CLIC3: variants seen among roughly 807,000 people sequenced by gnomAD.
The protein encoded by CLIC3 is chloride intracellular channel protein 3.
Under a neutral mutation model 19.9 loss-of-function variants are expected in CLIC3, and 29 were observed. That is an observed-to-expected ratio of 1.46 (90% CI 1.09 to 1.99). The LOEUF (loss-of-function observed/expected upper bound fraction) is 1.99. Among genes scored for constraint, CLIC3 ranks in the 30% most tolerant of loss-of-function variants. The pLI is 0.00. For missense variants in CLIC3, 365 were observed against 342.6 expected (o/e 1.07, Z -0.52); for synonymous variants, 143 against 156.4 (o/e 0.91, Z 0.64).
In CLIC3 at chr9:136,994,616, G is replaced by A; in HGVS notation, c.*65C>T. On this transcript the variant is annotated 3_prime_UTR_variant, in exon 6 of 6. Transcript: ENST00000494426. ...TGATCCCGAGACCTCTGGCCCTTCA[G>A]ATGTCAGGACACCCTCACTCCCGAC... is the stretch of plus-strand genomic sequence containing the variant. 6.6e-7 allele frequency: 1 copy of A among 1,523,700 alleles called. No homozygotes were observed. Among genetic ancestry groups the A allele is most frequent in the Admixed American group, 2.0e-5 (1 of 51,036 alleles). 94.4% of individuals were successfully genotyped at this position (1,523,700 alleles called of 1,614,324 possible). A position where few individuals can be genotyped will look rare whatever the true frequency, so the allele number is the denominator to read the frequency against.
chr9:136,995,254 G>C lies in CLIC3; in HGVS notation c.308C>G (p.Thr103Ser). 1 of 1,612,816 alleles carries C rather than the reference G, an allele frequency of 6.2e-7. No individual in the cohort carries two copies. The highest frequency in any genetic ancestry group is 8.5e-7 in the Non-Finnish European group (1 of 1,179,916). Residue 103 changes from threonine to serine, a missense_variant, in exon 4 of 6, where the codon ACC becomes AGC. Transcript: ENST00000494426. ...SLAPRYRESNTAGNDVFHKFS... is the reference protein window; with the variant it reads ...SLAPRYRESNSAGNDVFHKFS... ...CTTGTGGAAAACGTCGTTGCCGGCG[G>C]TGTTGGACTCCCTGTAACGAGGCGC...
rs11145965 is a variant in CLIC3 at position 136,994,933 on chromosome 9, G to C, written c.549C>G (p.Val183=). ...DCSLLPKLHI[V]DTVCAHFRQA... The stretch of plus-strand genomic sequence containing the variant: ...CCCGCCCACCTTCCGTGCTCACGTC[G>C]ACGATGTGCAGCTTGGGCAGGAGGC... The change falls in exon 5 of 6, where the codon GTC becomes GTG. Residue 183 remains valine, a synonymous_variant. Transcript: ENST00000494426. The C allele has an allele frequency of 1.6e-5, 23 of 1,482,518 alleles. No homozygotes were observed. Among genetic ancestry groups the C allele is most frequent in the East Asian group, 2.7e-5 (1 of 37,526 alleles). The allele number at this position is 1,482,518 out of a possible 1,614,324, so 91.8% of individuals were successfully genotyped here.
chr9:136,995,244 G>A lies in CLIC3; in HGVS notation c.318C>T (p.Asn106=), dbSNP rs1180366651. 1 of 1,612,810 alleles carries A rather than the reference G, an allele frequency of 6.2e-7. No homozygotes were observed. The highest frequency in any genetic ancestry group is 1.7e-5 in the Admixed American group (1 of 60,026). ...PRYRESNTAG[N]DVFHKFSAFI... ...ACGCGGAGAACTTGTGGAAAACGTC[G>A]TTGCCGGCGGTGTTGGACTCCCTGT... Residue 106 remains asparagine (N), a synonymous_variant, in exon 4 of 6, where the codon AAC becomes AAT. Transcript: ENST00000494426.
chr9:136,995,779 G>T (rs200527589), intron 1 of CLIC3, 22 bp from the exon 2 acceptor site: 33 of 1,466,914 alleles, frequency 2.2e-5, no homozygotes, highest in Non-Finnish European at 2.8e-5. Context: ...GAGCGGGGGT[G>T]GGGGGTCAGG....
Position 136,994,770 on chromosome 9 carries a change from T to G in CLIC3, c.622A>C (p.Ser208Arg), listed in dbSNP as rs1392239656. Residue 208 changes from serine (S) to arginine (R), a missense_variant, in exon 6 of 6, where the codon AGC (serine) becomes CGC (arginine). Physicochemically the swap from Ser to Arg is moderately radical, Grantham distance 110. Transcript: ENST00000494426. ...TTGAACTCTTTCTCCTGCATCGCGCTGTCCAGGTAGCGGCGTACGCCGCGC... is the reference window on the plus strand; with the variant it reads ...TTGAACTCTTTCTCCTGCATCGCGCGGTCCAGGTAGCGGCGTACGCCGCGC... ...ELRGVRRYLDSAMQEKEFKYT... is the reference protein window; with the variant it reads ...ELRGVRRYLDRAMQEKEFKYT... 2 of 1,602,166 alleles carry G rather than the reference T, an allele frequency of 1.2e-6. No individual in the cohort carries two copies. Among genetic ancestry groups the G allele is most frequent in the South Asian group, 2.2e-5 (2 of 89,402 alleles).
In CLIC3 at chr9:136,994,661, G is replaced by A; in HGVS notation, c.*20C>T. The stretch of plus-strand genomic sequence containing the variant: ...CCCGACAAAGATGCCTTTATTGGGC[G>A]ACAGACGCGGGGTGGGGCGCTAGCG... On this transcript the variant is annotated 3_prime_UTR_variant, in exon 6 of 6. Transcript: ENST00000494426. 2 of 1,597,802 alleles carry A rather than the reference G, an allele frequency of 1.3e-6. No homozygotes were observed. Among genetic ancestry groups the A allele is most frequent in the Non-Finnish European group, 1.7e-6 (2 of 1,172,236 alleles).
chr9:136,995,013 G>C lies in CLIC3; in HGVS notation c.469C>G (p.Arg157Gly). Residue 157 changes from arginine (R) to glycine (G), a missense_variant, in exon 5 of 6, where the codon CGC becomes GGC. By Grantham distance (125) the Arg-to-Gly change is moderately radical (BLOSUM62 -2). Transcript: ENST00000494426. ...TCCAGGAAGCGGCGGCGGGACTCGCGCAGCTGCGGCTCCCCCGCCAGCTCG... is the reference window on the plus strand; with the variant it reads ...TCCAGGAAGCGGCGGCGGGACTCGCCCAGCTGCGGCTCCCCCGCCAGCTCG... ...EHELAGEPQL[R>G]ESRRRFLDGD... 1 of 1,506,690 alleles carries C rather than the reference G, an allele frequency of 6.6e-7. No individual in the cohort carries two copies. The highest frequency in any genetic ancestry group is 2.6e-5 in the East Asian group (1 of 38,876). The allele number at this position is 1,506,690 out of a possible 1,614,324, so 93.3% of individuals were successfully genotyped here.
rs200527589 is a variant in CLIC3 at position 136,995,779 on chromosome 9, G to C, written c.34-22C>G. On this transcript the variant is annotated intron_variant, in intron 1 of 5. Transcript: ENST00000494426. The stretch of plus-strand genomic sequence containing the variant: ...TCGCCTGGGTGGGTGGAGCGGGGGT[G>C]GGGGGTCAGGGCTGGAAGCAGACCC... 8.0e-5 allele frequency: 118 copies of C among 1,467,034 alleles called. No homozygotes were observed. In the Middle Eastern group the frequency reaches 1.4e-3, roughly 18 times the overall value. The allele number at this position is 1,467,034 out of a possible 1,614,324, so 90.9% of individuals were successfully genotyped here.
intron 5 of CLIC3, 27 bp from the exon 6 acceptor site, chr9:136,994,866 C>T (rs774218361): frequency 3.7e-5 from 56 of 1,510,508 alleles, no homozygotes; most frequent in Non-Finnish European, 4.8e-5. Context: ...GGGGCGCGGT[C>T]AGGACCTGCC....
rs375188203 is a variant in CLIC3 at position 136,995,737 on chromosome 9, G to T, written c.54C>A (p.Ser18Arg). 80 of 1,585,890 alleles carry T rather than the reference G, an allele frequency of 5.0e-5. No homozygotes were observed. The highest frequency in any genetic ancestry group is 2.1e-4 in the Middle Eastern group (1 of 4,682). The change falls in exon 2 of 6, where the codon AGC becomes AGA. Residue 18 changes from serine to arginine, a missense_variant. Ser to Arg is a moderately radical substitution (Grantham distance 110). Coordinates refer to ENST00000494426, the MANE Select transcript of CLIC3 (RefSeq NM_004669.3). ...LFVKASEDGE[S>R]VGHCPSCQRL... is the part of the protein sequence containing the mutation. Reference sequence around the variant, plus strand: ...GCTGGCAGGAGGGGCAGTGACCCACGCTCTCCCCGTCCTCACTCGCCTGGG... The same window carrying T: ...GCTGGCAGGAGGGGCAGTGACCCACTCTCTCCCCGTCCTCACTCGCCTGGG...
intron 2 of CLIC3, 40 bp from the exon 3 acceptor site, chr9:136,995,607 G>C: frequency 1.2e-6 from 2 of 1,610,358 alleles, no homozygotes; most frequent in Non-Finnish European, 8.5e-7. Flanking sequence ...CGGCCCACCA[G>C]TGTGCGAGGC....
intron 5 of CLIC3, 33 bp downstream of exon 5, chr9:136,994,897 T>TCTCCCCCC: frequency 2.0e-6 from 3 of 1,471,244 alleles, no homozygotes; most frequent in Non-Finnish European, 2.7e-6. Flanking sequence ...CGCGCCGCGG[T>TCTCCCCCC]CACCCTCCCG....
In CLIC3 at chr9:136,994,986, C is replaced by T. The variant is rs1176977142; in HGVS notation, c.496G>A (p.Gly166Ser). The T allele has an allele frequency of 1.8e-5, 27 of 1,506,004 alleles. No homozygotes were observed. The East Asian group carries it at 5.4e-4, about 30-fold the overall frequency. The allele number at this position is 1,506,004 out of a possible 1,614,324, so 93.3% of individuals were successfully genotyped here. A position where few individuals can be genotyped will look rare whatever the true frequency, so the allele number is the denominator to read the frequency against. Residue 166 changes from glycine (G) to serine (S), a missense_variant, in exon 5 of 6, where the codon GGC becomes AGC. Gly to Ser is a moderately conservative substitution (Grantham distance 56). Transcript: ENST00000494426. ...CAGTCGGCCAGCGTGAGCCTGTCGC[C>T]GTCCAGGAAGCGGCGGCGGGACTCG... ...LRESRRRFLDGDRLTLADCSL... is the reference protein window; with the variant it reads ...LRESRRRFLDSDRLTLADCSL...
chr9:136,994,897 T>TCTGCC, intron 5 of CLIC3, 33 bp downstream of exon 5: 1 of 1,471,240 alleles, frequency 6.8e-7, no homozygotes, highest in East Asian at 2.6e-5. Context: ...CGCGCCGCGG[T>TCTGCC]CACCCTCCCG....
chr9:136,995,245 T>C lies in CLIC3; in HGVS notation c.317A>G (p.Asn106Ser). Residue 106 changes from asparagine (N) to serine (S), a missense_variant, in exon 4 of 6, where the codon AAC (asparagine) becomes AGC (serine). By Grantham distance (46) the Asn-to-Ser change is conservative (BLOSUM62 1). Transcript: ENST00000494426. ...CGCGGAGAACTTGTGGAAAACGTCG[T>C]TGCCGGCGGTGTTGGACTCCCTGTA... ...PRYRESNTAG[N>S]DVFHKFSAFI... The C allele has an allele frequency of 6.2e-7, 1 of 1,612,786 alleles. No individual in the cohort carries two copies. The highest frequency in any genetic ancestry group is 8.5e-7 in the Non-Finnish European group (1 of 1,179,908).
rs770452166 is a variant in CLIC3 at position 136,994,669 on chromosome 9, C to T, written c.*12G>A. ...AGATGCCTTTATTGGGCGACAGACG[C>T]GGGGTGGGGCGCTAGCGGGGGTGCA... On this transcript the variant is annotated 3_prime_UTR_variant, in exon 6 of 6. Coordinates refer to ENST00000494426, the MANE Select transcript of CLIC3 (RefSeq NM_004669.3). 2.5e-6 allele frequency: 4 copies of T among 1,601,968 alleles called. No homozygotes were observed. The highest frequency in any genetic ancestry group is 3.4e-6 in the Non-Finnish European group (4 of 1,174,656).
intron 3 of CLIC3, 58 bp downstream of exon 3, chr9:136,995,384 T>TG (rs1204459577): frequency 8.1e-6 from 13 of 1,610,216 alleles, no homozygotes; most frequent in Non-Finnish European, 9.3e-6. Context: ...GGCTCTGTCT[T>TG]GCGCGCGTCC....
chr9:136,996,017 A>T (rs1363070655), intron 1 of CLIC3, among the ~76,000 whole-genome samples: 4 of 152,156 alleles, frequency 2.6e-5, no homozygotes, highest in African/African-American at 7.2e-5. Flanking sequence ...GCCTGGACAG[A>T]GGCCAGGCCC....
At chr9:136,996,077 A>T (rs180795120) in intron 1 of CLIC3, among the ~76,000 whole-genome samples, 56 of 152,284 alleles carry the variant, frequency 3.7e-4, no homozygotes, top group African/African-American at 1.3e-3. Flanking sequence ...GGGCCTCACA[A>T]GCTGTTTTCT....
Sources: allele counts gnomAD v4.1 joint callset (sites outside exome capture counted in the v4.1 genomes callset), GRCh38; gene constraint gnomAD v4.1.1; transcripts MANE v1.5; gene names NCBI Gene and HGNC (gene_info 2026-07-23, HGNC 2026-07-21).